The following PTPN14 variants were observed in gnomAD, a reference collection of about 807,000 sequenced individuals.
PTPN14 encodes protein tyrosine phosphatase non-receptor type 14, also known as tyrosine-protein phosphatase non-receptor type 14.
Under a neutral mutation model 126.8 loss-of-function variants are expected in PTPN14, and 53 were observed. The observed-to-expected ratio is 0.42, with a 90% CI of 0.34 to 0.53. The LOEUF (loss-of-function observed/expected upper bound fraction) is 0.53, where lower values mean the gene tolerates loss of function less well. Ranked by LOEUF, PTPN14 falls within the 20% of genes least tolerant of loss-of-function variation. PTPN14 has a pLI of 0.08. For synonymous variants in PTPN14, 630 were observed against 599.3 expected (o/e 1.05, Z -0.75); for missense variants, 1,257 against 1,552.9 (o/e 0.81, Z 3.20).
chr1:214,375,789 A>C (rs2102526466), intron 15 of PTPN14, among the ~76,000 whole-genome samples: 1 of 152,334 alleles, frequency 6.6e-6, no homozygotes. Flanking sequence ...AAAATGCATA[A>C]CCTGCAGTAT....
At chr1:214,527,024 G>C (rs1655416448) in intron 1 of PTPN14, among the ~76,000 whole-genome samples, 1 of 151,966 alleles carries the variant, frequency 6.6e-6, no homozygotes, top group Non-Finnish European at 1.5e-5. Flanking sequence ...CCGGGAGACA[G>C]AGGTTGCGAT....
At chr1:214,389,492 T>A (rs144205852) in intron 11 of PTPN14, among the ~76,000 whole-genome samples, 3 of 152,332 alleles carry the variant, frequency 2.0e-5, no homozygotes, top group Admixed American at 6.5e-5. Flanking sequence ...TGAGAAGTCC[T>A]GGTTATCAGC....
chr1:214,496,356 C>T (rs1343074534), intron 1 of PTPN14, among the ~76,000 whole-genome samples: 2 of 152,092 alleles, frequency 1.3e-5, no homozygotes, highest in Non-Finnish European at 2.9e-5. Context: ...AGGCTTAGCC[C>T]AGCTCTGTCA....
At position 214,349,039 on chromosome 1, in the gene PTPN14, T is replaced by C. The variant is rs190467100; in HGVS notation, c.*8883A>G. 48 of 152,364 alleles carry C rather than the reference T, an allele frequency of 3.2e-4. No homozygotes were observed. The highest frequency in any genetic ancestry group is 1.0e-3 in the African/African-American group (43 of 41,584). 9.4% of individuals were successfully genotyped at this position (152,364 alleles called of 1,614,324 possible). A position where few individuals can be genotyped will look rare whatever the true frequency, so the allele number is the denominator to read the frequency against. On this transcript the variant is annotated 3_prime_UTR_variant, in exon 19 of 19. Coordinates refer to ENST00000366956, the MANE Select transcript of PTPN14 (RefSeq NM_005401.5). Reference sequence around the variant, plus strand: ...CATATTATTAAATTGATAGGGAGTCTATACCAAAGTACAGTTGACATGAAT... The same window carrying C: ...CATATTATTAAATTGATAGGGAGTCCATACCAAAGTACAGTTGACATGAAT...
chr1:214,529,417 G>C (rs184321352), intron 1 of PTPN14: 1 of 152,382 alleles, frequency 6.6e-6, no homozygotes, highest in Admixed American at 6.5e-5. Flanking sequence ...CAAAGCAGCA[G>C]AGTGAAGGAG....
chr1:214,404,075 T>C (rs1346088201), intron 5 of PTPN14, among the ~76,000 whole-genome samples: 1 of 152,212 alleles, frequency 6.6e-6, no homozygotes, highest in Admixed American at 6.5e-5. Context: ...ATACCACTTA[T>C]ATAAAGATTC....
At chr1:214,373,577 A>T (rs1571956871) in intron 15 of PTPN14, among the ~76,000 whole-genome samples, 1 of 110,004 alleles carries the variant, frequency 9.1e-6, no homozygotes, top group East Asian at 2.9e-4. Flanking sequence ...ACACACACAC[A>T]CACACACACA....
intron 1 of PTPN14, among the ~76,000 whole-genome samples, chr1:214,501,164 T>C (rs999166401): frequency 1.3e-5 from 2 of 152,242 alleles, no homozygotes; most frequent in Non-Finnish European, 2.9e-5. Context: ...CATATTTTAA[T>C]AATGTTACAG....
intron 6 of PTPN14, among the ~76,000 whole-genome samples, chr1:214,402,100 TC>T (rs1447288161): frequency 6.0e-5 from 9 of 150,934 alleles, no homozygotes; most frequent in African/African-American, 2.2e-4. Flanking sequence ...CTGGGAGAAA[TC>T]TTCATTATTA....
At chr1:214,460,991 A>G (rs980083267) in intron 2 of PTPN14, among the ~76,000 whole-genome samples, 1 of 151,974 alleles carries the variant, frequency 6.6e-6, no homozygotes, top group Non-Finnish European at 1.5e-5. Context: ...TTCAATAATC[A>G]TAACAAATGT....
Position 214,520,065 on chromosome 1 carries a change from A to AAAAAAT in PTPN14, c.-155+31117_-155+31118insATTTTT. On this transcript the variant is annotated intron_variant, in intron 1 of 18. Transcript: ENST00000366956. ...CCTGTCTCAAAAAAAAAAAAAAAAA[A>AAAAAAT]ATATATATATATATATATGCAGAAT... Among the ~76,000 whole-genome samples the AAAAAAT allele has an allele frequency of 2.2e-3, 158 of 71,100 alleles. 1 individual carries two copies. Among genetic ancestry groups the AAAAAAT allele is most frequent in the African/African-American group, 0.01 (139 of 13,686 alleles). The allele number at this position is 71,100 out of a possible 152,430, so 46.6% of individuals were successfully genotyped here.
At chr1:214,532,274 C>T (rs918312587) in intron 1 of PTPN14, 7 of 450,796 alleles carry the variant, frequency 1.6e-5, no homozygotes, top group Non-Finnish European at 2.9e-5. Context: ...TGGTCAACAG[C>T]GTGGCCAGAG....
At chr1:214,537,945 CATATA>C (rs1406692657) in intron 1 of PTPN14, among the ~76,000 whole-genome samples, 1 of 152,130 alleles carries the variant, frequency 6.6e-6, no homozygotes, top group Non-Finnish European at 1.5e-5. Context: ...ATTATGTCAA[CATATA>C]ATAAATAAAA....
In PTPN14 at chr1:214,369,515, A is replaced by G; in HGVS notation, c.3213T>C (p.His1071=). The G allele has an allele frequency of 6.2e-7, 1 of 1,614,176 alleles. No individual in the cohort carries two copies. The highest frequency in any genetic ancestry group is 8.5e-7 in the Non-Finnish European group (1 of 1,180,030). ...GATCTGGCCAGTCAGTATATTGTAA[A>G]TGCCACACCGTCCTTTCTTGCCCAG... is the stretch of plus-strand genomic sequence containing the variant. ...LLSGQERTVW[H]LQYTDWPDHG... is the part of the protein sequence containing the mutation. The change falls in exon 17 of 19, where the codon CAT becomes CAC. Residue 1071 remains histidine (H), a synonymous_variant. Coordinates refer to ENST00000366956, the MANE Select transcript of PTPN14 (RefSeq NM_005401.5).
intron 1 of PTPN14, among the ~76,000 whole-genome samples, chr1:214,506,821 T>A (rs1571631162): frequency 2.0e-5 from 3 of 151,514 alleles, no homozygotes; most frequent in Admixed American, 2.0e-4. Context: ...AAAATCTTTT[T>A]CCAGTCCAGA....
intron 1 of PTPN14, among the ~76,000 whole-genome samples, chr1:214,548,910 C>T (rs147984422): frequency 0.01 from 1,555 of 152,240 alleles, 30 homozygotes; most frequent in African/African-American, 0.035. Flanking sequence ...CTGAATAACT[C>T]AAGTGTTAAT....
At position 214,445,278 on chromosome 1, in the gene PTPN14, C is replaced by CCA. The variant is rs200204194; in HGVS notation, c.344+6526_344+6527insTG. Among the ~76,000 whole-genome samples the CCA allele has an allele frequency of 5.4e-3, 819 of 152,230 alleles. 11 individuals are homozygous for CCA. Among genetic ancestry groups the CCA allele is most frequent in the African/African-American group, 0.019 (769 of 41,516 alleles). On this transcript the variant is annotated intron_variant, in intron 3 of 18. Coordinates refer to ENST00000366956, the MANE Select transcript of PTPN14 (RefSeq NM_005401.5). ...GGGTACTTGGAACAGGTCCTGTGGGCCTGATGTGTCTGCCAGATGTACGAC... is the reference window on the plus strand; with the variant it reads ...GGGTACTTGGAACAGGTCCTGTGGGCCACTGATGTGTCTGCCAGATGTACGAC...
chr1:214,364,473 C>T lies in PTPN14; in HGVS notation c.3435+39G>A, dbSNP rs1156245543. ...TTTGGCCAGGGTGTAGACTTGTCCC[C>T]AAGGTGGAGTATCCGGAGAGAAGCC... On this transcript the variant is annotated intron_variant, in intron 18 of 18. Transcript: ENST00000366956. The surrounding 1 kb of genome is among the most constrained non-coding windows in gnomAD (Gnocchi z 4.1). 6.2e-7 allele frequency: 1 copy of T among 1,602,018 alleles called. No individual in the cohort carries two copies. Among genetic ancestry groups the T allele is most frequent in the Non-Finnish European group, 8.5e-7 (1 of 1,172,892 alleles).
intron 3 of PTPN14, among the ~76,000 whole-genome samples, chr1:214,433,670 T>C (rs1659842476): frequency 6.6e-6 from 1 of 152,010 alleles, no homozygotes; most frequent in Non-Finnish European, 1.5e-5. Flanking sequence ...ATTCTGCTTA[T>C]ACGTCCAGTT....
Sources: allele counts gnomAD v4.1 joint callset (sites outside exome capture counted in the v4.1 genomes callset), GRCh38; gene constraint gnomAD v4.1.1; non-coding constraint Gnocchi (gnomAD v3.1); transcripts MANE v1.5; gene names NCBI Gene and HGNC (gene_info 2026-07-23, HGNC 2026-07-21).